PRKN: variants seen among roughly 807,000 people sequenced by gnomAD.
The protein encoded by PRKN is parkin RBR E3 ubiquitin protein ligase, also known as E3 ubiquitin-protein ligase parkin.
In PRKN, 56 loss-of-function variants were observed where a neutral mutation model predicts 59.5. That is an observed-to-expected ratio of 0.94 (90% CI 0.76 to 1.18). The LOEUF (loss-of-function observed/expected upper bound fraction) is 1.18, where lower values mean the gene tolerates loss of function less well. Ranked by LOEUF, PRKN falls within the 50% of genes most tolerant of loss-of-function variation. PRKN has a pLI of 0.00. For synonymous variants in PRKN, 250 were observed against 222.1 expected (o/e 1.13, Z -1.12); for missense variants, 657 against 596.4 (o/e 1.10, Z -1.06).
chr6:161,647,332 T>C (rs573418621), intron 7 of PRKN, among the ~76,000 whole-genome samples: 34 of 152,352 alleles, frequency 2.2e-4, no homozygotes, highest in Non-Finnish European at 4.6e-4. Context: ...AACTGGTTAA[T>C]AGCATCTCGT....
At chr6:162,677,567 T>C (rs1376441193) in intron 1 of PRKN, among the ~76,000 whole-genome samples, 1 of 152,028 alleles carries the variant, frequency 6.6e-6, no homozygotes, top group Non-Finnish European at 1.5e-5. Flanking sequence ...TATTTCTGAA[T>C]TTCAGATTTT....
At position 161,946,966 on chromosome 6, in the gene PRKN, A is replaced by T. The variant is rs147612037; in HGVS notation, c.734+26336T>A. ...AGATGGGGAAATACCCAAATTGCTG[A>T]ACACTTCTGTAGATCTCATTTTTCT... On this transcript the variant is annotated intron_variant, in intron 6 of 11. Coordinates refer to ENST00000366898, the MANE Select transcript of PRKN (RefSeq NM_004562.3). 4.2e-3 allele frequency among the ~76,000 whole-genome samples: 644 copies of T among 152,300 alleles called. 2 individuals carry two copies. The highest frequency in any genetic ancestry group is 0.014 in the African/African-American group (601 of 41,564).
Position 161,610,333 on chromosome 6 carries a change from A to G in PRKN, c.872-40917T>C, listed in dbSNP as rs1347448701. ...TGCCCATAGGGAGTTATCTTTTGTAAGGTCCTTCAGCACCACCAAAATACG... is the reference window on the plus strand; with the variant it reads ...TGCCCATAGGGAGTTATCTTTTGTAGGGTCCTTCAGCACCACCAAAATACG... On this transcript the variant is annotated intron_variant, in intron 7 of 11. Coordinates refer to ENST00000366898, the MANE Select transcript of PRKN (RefSeq NM_004562.3). Among the ~76,000 whole-genome samples the G allele has an allele frequency of 3.9e-5, 6 of 152,204 alleles. No individual in the cohort carries two copies. In the East Asian group the frequency reaches 1.2e-3, roughly 29 times the overall value.
Position 161,417,379 on chromosome 6 carries a change from G to A in PRKN, c.1084-30502C>T, listed in dbSNP as rs1299558128. On this transcript the variant is annotated intron_variant, in intron 9 of 11. Coordinates refer to ENST00000366898, the MANE Select transcript of PRKN (RefSeq NM_004562.3). This position sits in a 1 kb window ranked among gnomAD's most constrained non-coding sequence, Gnocchi z 5.4. ...GCAGCAGAATCACTTGAACCTGGGA[G>A]GCGGAGGTTGCAGTGAGCAGAGATG... 6.6e-6 allele frequency among the ~76,000 whole-genome samples: 1 copy of A among 151,796 alleles called. No individual in the cohort carries two copies. The highest frequency in any genetic ancestry group is 1.5e-5 in the Non-Finnish European group (1 of 67,986).
intron 9 of PRKN, among the ~76,000 whole-genome samples, chr6:161,425,947 A>T (rs947441151): frequency 6.6e-6 from 1 of 151,978 alleles, no homozygotes; most frequent in Non-Finnish European, 1.5e-5. Context: ...TCCTCCTTTT[A>T]GAGACTAATA....
At chr6:162,278,628 A>G (rs1441382352) in intron 2 of PRKN, among the ~76,000 whole-genome samples, 1 of 152,210 alleles carries the variant, frequency 6.6e-6, no homozygotes, top group Admixed American at 6.6e-5. Flanking sequence ...AAAGCTATAA[A>G]GGACAATTTG....
intron 2 of PRKN, among the ~76,000 whole-genome samples, chr6:162,373,993 G>T (rs1444660124): frequency 6.6e-5 from 10 of 152,140 alleles, no homozygotes; most frequent in African/African-American, 1.9e-4. Context: ...TGAAGAATTT[G>T]TCACCTTTCA....
chr6:162,545,258 A>C (rs1036988383), intron 1 of PRKN, among the ~76,000 whole-genome samples: 23 of 152,202 alleles, frequency 1.5e-4, no homozygotes, highest in Middle Eastern at 3.4e-3. Context: ...ACTGCACTCC[A>C]GCCTGGGCAA....
At chr6:161,623,685 T>A (rs1252378284) in intron 7 of PRKN, among the ~76,000 whole-genome samples, 1 of 152,220 alleles carries the variant, frequency 6.6e-6, no homozygotes, top group Non-Finnish European at 1.5e-5. Context: ...TTAGTGCCTG[T>A]GTATACTCTC....
rs191103769 is a variant in PRKN, at chr6:161,613,399, G to C, written c.872-43983C>G. 2.8e-4 allele frequency among the ~76,000 whole-genome samples: 42 copies of C among 152,094 alleles called. No individual in the cohort carries two copies. In the East Asian group the frequency reaches 7.5e-3, roughly 27 times the overall value. ...TTTTTTAAGTTGGAATCTACTTCTG[G>C]TGAAGACACTGGGAACATTGTTGAA... is the stretch of plus-strand genomic sequence containing the variant. On this transcript the variant is annotated intron_variant, in intron 7 of 11. Transcript: ENST00000366898.
intron 1 of PRKN, among the ~76,000 whole-genome samples, chr6:162,592,205 G>A (rs539777386): frequency 1.3e-5 from 2 of 152,182 alleles, no homozygotes; most frequent in South Asian, 4.1e-4. Context: ...CACCATGTTA[G>A]CCAGCTGGTC....
Position 161,386,488 on chromosome 6 carries a change from TGTTAA to T in PRKN, c.1167+301_1167+305del, listed in dbSNP as rs151291232. Reference sequence around the variant, plus strand: ...GTATGGATTTCTCTGATTTAGACACTGTTAAGTTGTTTTATTTCCCCTCTAAGGAC... The same window carrying T: ...GTATGGATTTCTCTGATTTAGACACTGTTGTTTTATTTCCCCTCTAAGGAC... On this transcript the variant is annotated intron_variant, in intron 10 of 11. Transcript: ENST00000366898. This position sits in a 1 kb window ranked among gnomAD's most constrained non-coding sequence, Gnocchi z 4.3. 4.4e-3 allele frequency among the ~76,000 whole-genome samples: 675 copies of T among 152,328 alleles called. 4 individuals carry two copies. Among genetic ancestry groups the T allele is most frequent in the African/African-American group, 0.015 (626 of 41,566 alleles).
intron 2 of PRKN, among the ~76,000 whole-genome samples, chr6:162,320,419 C>CAAA (rs201106625): frequency 1.2e-4 from 5 of 42,732 alleles, no homozygotes; most frequent in African/African-American, 4.2e-4. Flanking sequence ...CAAAAAAAAC[C>CAAA]AAAAAAAAAA....
chr6:161,453,205 T>G (rs1342794556), intron 9 of PRKN, among the ~76,000 whole-genome samples: 2 of 152,184 alleles, frequency 1.3e-5, no homozygotes, highest in Non-Finnish European at 2.9e-5. Context: ...TGAACAGTAC[T>G]GAGTAGCAGT....
intron 4 of PRKN, among the ~76,000 whole-genome samples, chr6:162,105,319 C>T (rs370923901): frequency 3.2e-4 from 48 of 152,250 alleles, no homozygotes; most frequent in African/African-American, 1.1e-3. Context: ...AGCCAAACCA[C>T]ATCAAAATAA....
chr6:161,377,501 GC>G lies in PRKN; in HGVS notation c.1167+9292del, dbSNP rs1785768141. ...TAACATACGGCTGCAAGCCAAAAAT[GC>G]ACTGTCGCTATCCTGTAATCCTCTT... On this transcript the variant is annotated intron_variant, in intron 10 of 11. Coordinates refer to ENST00000366898, the MANE Select transcript of PRKN (RefSeq NM_004562.3). This position sits in a 1 kb window ranked among gnomAD's most constrained non-coding sequence, Gnocchi z 4.2. Among the ~76,000 whole-genome samples the G allele has an allele frequency of 1.3e-5, 2 of 152,240 alleles. No homozygotes were observed. The highest frequency in any genetic ancestry group is 4.8e-5 in the African/African-American group (2 of 41,474).
In PRKN at chr6:161,372,093, C is replaced by T. The variant is rs930929547; in HGVS notation, c.1168-11888G>A. ...AGTGAATTAAAATAATATCTATCAA[C>T]CTATTTTGAGATTAATGGGGGAAAT... On this transcript the variant is annotated intron_variant, in intron 10 of 11. Coordinates refer to ENST00000366898, the MANE Select transcript of PRKN (RefSeq NM_004562.3). This position sits in a 1 kb window ranked among gnomAD's most constrained non-coding sequence, Gnocchi z 4.2. Among the ~76,000 whole-genome samples the T allele has an allele frequency of 2.0e-5, 3 of 152,100 alleles. No homozygotes were observed. The highest frequency in any genetic ancestry group is 4.4e-5 in the Non-Finnish European group (3 of 68,034).
chr6:161,673,227 G>A (rs1265325064), intron 7 of PRKN, among the ~76,000 whole-genome samples: 2 of 152,202 alleles, frequency 1.3e-5, no homozygotes, highest in Non-Finnish European at 2.9e-5. Flanking sequence ...GCACACCGCA[G>A]GAGACAAACA....
intron 7 of PRKN, among the ~76,000 whole-genome samples, chr6:161,754,405 C>T (rs1442889547): frequency 1.3e-5 from 2 of 152,020 alleles, no homozygotes; most frequent in East Asian, 3.9e-4. Context: ...GCAGCAAAAA[C>T]ACGCGGGGCA....
Sources: gnomAD v4.1 joint callset for allele counts (sites outside exome capture counted in the v4.1 genomes callset) on GRCh38, gnomAD v4.1.1 for gene constraint, Gnocchi (gnomAD v3.1) non-coding constraint, MANE v1.5 for transcripts, NCBI Gene and HGNC (gene_info 2026-07-23, HGNC 2026-07-21) for gene names.